The following ENPP3 variants were observed in gnomAD, a reference collection of about 807,000 sequenced individuals.
ENPP3 encodes the protein ectonucleotide pyrophosphatase/phosphodiesterase 3.
ENPP3 carries 104 observed loss-of-function variants against 117.8 expected under a neutral mutation model. The ratio of observed to expected loss-of-function variants is 0.88; its 90% CI spans 0.75 to 1.04. The LOEUF is 1.04. ENPP3 is among the 50% of genes least tolerant of loss of function. ENPP3 has a pLI of 0.00. For missense variants in ENPP3, 1,026 were observed against 1,051.9 expected, an observed-to-expected ratio of 0.98 and a Z score of 0.34; for synonymous variants, 380 against 349.9, an observed-to-expected ratio of 1.09 and a Z score of -0.96.
chr6:131,691,066 T>C (rs773508608), intron 14 of ENPP3, among the ~76,000 whole-genome samples: 74 of 152,092 alleles, frequency 4.9e-4, no homozygotes, highest in Admixed American at 2.2e-3. Flanking sequence ...GCATCACAGA[T>C]ATGGACTGGA....
chr6:131,690,325 C>G (rs1779250779), intron 14 of ENPP3, among the ~76,000 whole-genome samples: 1 of 152,090 alleles, frequency 6.6e-6, no homozygotes, highest in African/African-American at 2.4e-5. Flanking sequence ...AAGAAATTAC[C>G]ACAGCCACCC....
intron 19 of ENPP3, among the ~76,000 whole-genome samples, chr6:131,725,835 A>T (rs2114540817): frequency 6.6e-6 from 1 of 152,228 alleles, no homozygotes; most frequent in South Asian, 2.1e-4. Context: ...AAATGGAGTA[A>T]TAACACCAAT....
intron 5 of ENPP3, among the ~76,000 whole-genome samples, chr6:131,654,303 A>AT (rs11411422): frequency 0.033 from 5,055 of 151,558 alleles, 280 homozygotes; most frequent in African/African-American, 0.11. Flanking sequence ...GCAGCTAAAC[A>AT]TTTTTTTGTA....
chr6:131,637,519 A>G (rs1370446529), intron 1 of ENPP3, 57 bp downstream of exon 1: 3 of 960,928 alleles, frequency 3.1e-6, no homozygotes, highest in Non-Finnish European at 4.7e-6. Context: ...TTAAAAGTAT[A>G]TGATTTCCCA....
chr6:131,638,329 A>G (rs978812117), intron 1 of ENPP3: 48 of 229,984 alleles, frequency 2.1e-4, no homozygotes, highest in Admixed American at 9.5e-4. Flanking sequence ...TTCTTAGCCA[A>G]CAATTTATCT....
At chr6:131,666,000 A>G (rs950084270) in intron 6 of ENPP3, among the ~76,000 whole-genome samples, 2 of 151,998 alleles carry the variant, frequency 1.3e-5, no homozygotes, top group Non-Finnish European at 2.9e-5. Flanking sequence ...TTTCTACATT[A>G]TTTGTAAATT....
At chr6:131,718,012 AC>A (rs1562470782) in intron 15 of ENPP3, among the ~76,000 whole-genome samples, 1 of 152,346 alleles carries the variant, frequency 6.6e-6, no homozygotes, top group South Asian at 2.1e-4. Context: ...AGAAGGCTGT[AC>A]CATCCAGGCT....
intron 15 of ENPP3, among the ~76,000 whole-genome samples, chr6:131,699,098 C>T (rs2114468824): frequency 1.3e-5 from 2 of 149,100 alleles, no homozygotes; most frequent in South Asian, 2.1e-4. Flanking sequence ...ATTAGCTATG[C>T]GTGGTGGCAC....
chr6:131,670,044 T>C (rs1416377610), intron 6 of ENPP3, among the ~76,000 whole-genome samples: 3 of 152,260 alleles, frequency 2.0e-5, no homozygotes, highest in Non-Finnish European at 4.4e-5. Flanking sequence ...CTAGTGGTTC[T>C]GACCTCTTTA....
intron 15 of ENPP3, among the ~76,000 whole-genome samples, chr6:131,715,923 A>G (rs1373222167): frequency 1.3e-5 from 2 of 152,144 alleles, no homozygotes; most frequent in Non-Finnish European, 2.9e-5. Flanking sequence ...GCTGTTACCC[A>G]TAAGCGCATT....
intron 5 of ENPP3, among the ~76,000 whole-genome samples, chr6:131,654,228 G>A (rs999056367): frequency 6.6e-6 from 1 of 151,672 alleles, no homozygotes; most frequent in Non-Finnish European, 1.5e-5. Context: ...CAAATTCCTG[G>A]GCTCAAGCTA....
intron 15 of ENPP3, chr6:131,711,039 G>T: frequency 1.9e-6 from 3 of 1,591,458 alleles, no homozygotes; most frequent in Non-Finnish European, 2.6e-6. Context: ...TGCTCTGGCG[G>T]TCACCGCAGT....
chr6:131,740,800 A>C (rs992803490), intron 24 of ENPP3, among the ~76,000 whole-genome samples: 1 of 152,144 alleles, frequency 6.6e-6, no homozygotes. Flanking sequence ...TTAAACATTT[A>C]TTTCTTTGTG....
chr6:131,693,429 G>C, intron 14 of ENPP3, 68 bp from the exon 15 acceptor site: 3 of 1,397,230 alleles, frequency 2.1e-6, no homozygotes, highest in Non-Finnish European at 3.0e-6. Flanking sequence ...AATTGATGTA[G>C]AAGATGAACT....
intron 7 of ENPP3, among the ~76,000 whole-genome samples, chr6:131,671,822 T>C (rs1451446512): frequency 6.6e-6 from 1 of 152,208 alleles, no homozygotes; most frequent in Non-Finnish European, 1.5e-5. Flanking sequence ...AGGTAGAATG[T>C]GTGAAAAGTG....
intron 24 of ENPP3, among the ~76,000 whole-genome samples, chr6:131,744,051 T>C (rs1780583303): frequency 6.6e-6 from 1 of 152,180 alleles, no homozygotes; most frequent in Non-Finnish European, 1.5e-5. Context: ...CTCTGTACTT[T>C]AAATATTTGA....
Position 131,681,989 on chromosome 6 carries a change from C to T in ENPP3, c.1012-1065C>T, listed in dbSNP as rs141908298. Among the ~76,000 whole-genome samples, 1,072 of 152,084 alleles carry T rather than the reference C, an allele frequency of 7.0e-3. 7 individuals carry two copies. Among genetic ancestry groups the T allele is most frequent in the Non-Finnish European group, 0.012 (818 of 67,972 alleles). ...CTGGGATTATAGGTGCCTGCCAGCA[C>T]GCCCAACTAATTTTTGCATTTTTAG... On this transcript the variant is annotated intron_variant, in intron 11 of 24. Coordinates refer to ENST00000357639, the MANE Select transcript of ENPP3 (RefSeq NM_005021.5).
At chr6:131,678,937 C>CTT (rs1315425360) in intron 11 of ENPP3, among the ~76,000 whole-genome samples, 1 of 88,050 alleles carries the variant, frequency 1.1e-5, no homozygotes, top group African/African-American at 8.7e-5. Context: ...TTCTTTCTTT[C>CTT]TTTCTTTCTT....
intron 21 of ENPP3, among the ~76,000 whole-genome samples, chr6:131,736,929 G>T (rs1048381830): frequency 2.0e-5 from 3 of 152,068 alleles, no homozygotes; most frequent in African/African-American, 7.2e-5. Context: ...ATTGCTTGGC[G>T]TGTACTGGTA....
Sources: gnomAD v4.1 joint callset for allele counts (sites outside exome capture counted in the v4.1 genomes callset) on GRCh38, gnomAD v4.1.1 for gene constraint, MANE v1.5 for transcripts, NCBI Gene and HGNC (gene_info 2026-07-23, HGNC 2026-07-21) for gene names.